The following IVD variants were observed in gnomAD, a reference collection of about 807,000 sequenced individuals.
The protein encoded by IVD is isovaleryl-CoA dehydrogenase, mitochondrial.
IVD carries 31 observed loss-of-function variants against 51.3 expected under a neutral mutation model. That is an observed-to-expected ratio of 0.60 (90% CI 0.45 to 0.81). IVD has a LOEUF of 0.81. IVD is among the 40% of genes least tolerant of loss of function. The pLI, the probability that IVD is intolerant of heterozygous loss-of-function variation, is 0.00. For synonymous variants in IVD, 205 were observed against 219.4 expected (o/e 0.93, Z 0.58); for missense variants, 475 against 552.0 (o/e 0.86, Z 1.40).
downstream of IVD, chr15:40,424,167 C>T (rs915415359): frequency 7.8e-7 from 1 of 1,288,246 alleles, no homozygotes; most frequent in Admixed American, 2.3e-5. Flanking sequence ...CTACACTGAA[C>T]CAGTGAACTA....
rs113290846 is a variant in IVD, at chr15:40,410,987, T to G, written c.456+190T>G. Reference sequence around the variant, plus strand: ...AAAATAATAAAAATAGGACCAGAACTCTTGCATTGAACAACAGACAGACAA... The same window carrying G: ...AAAATAATAAAAATAGGACCAGAACGCTTGCATTGAACAACAGACAGACAA... On this transcript the variant is annotated intron_variant, in intron 4 of 11. Coordinates refer to ENST00000487418, the MANE Select transcript of IVD (RefSeq NM_002225.5). 1.2e-4 allele frequency among the ~76,000 whole-genome samples: 19 copies of G among 152,262 alleles called. 1 individual carries two copies. Among genetic ancestry groups the G allele is most frequent in the African/African-American group, 4.6e-4 (19 of 41,548 alleles).
rs545701904 is a variant in IVD, at chr15:40,421,133, C to T, written c.*2870C>T. 10 of 985,392 alleles carry T rather than the reference C, an allele frequency of 1.0e-5. No homozygotes were observed. The highest frequency in any genetic ancestry group is 1.2e-5 in the Non-Finnish European group (10 of 829,976). The allele number at this position is 985,392 out of a possible 1,614,324, so 61.0% of individuals were successfully genotyped here. On this transcript the variant is annotated 3_prime_UTR_variant, in exon 12 of 12. Coordinates refer to ENST00000487418, the MANE Select transcript of IVD (RefSeq NM_002225.5). The stretch of plus-strand genomic sequence containing the variant: ...TGGAGATGAATGTGACTAAAAGGGC[C>T]ATCTTGCTGGCTTAATGTGTGGCTG...
rs184609424 is a variant in IVD, at chr15:40,416,027, A to G, written c.961-51A>G. On this transcript the variant is annotated intron_variant, in intron 9 of 11. Transcript: ENST00000487418. ...TTGCCATTGCTGACCTGCTTTTGGT[A>G]ACTGAGAGAGTGTTCCAGCATGTTG... 65 of 1,559,240 alleles carry G rather than the reference A, an allele frequency of 4.2e-5. No individual in the cohort carries two copies. The African/African-American group carries it at 8.4e-4, about 20-fold the overall frequency.
intron 1 of IVD, 80 bp downstream of exon 1, chr15:40,406,051 A>AAGGCCTCC: frequency 1.9e-6 from 3 of 1,542,508 alleles, no homozygotes; most frequent in Non-Finnish European, 1.8e-6. Context: ...CCTGGTCCCC[A>AAGGCCTCC]TCGGCCCAGC....
chr15:40,435,416 G>C lies in IVD; in HGVS notation c.781-1G>C. Reference sequence around the variant, plus strand: ...CTAAAAGAGGGCTCTCTTTCCCCTAGGGCAGACCTTTTCCGCCCAACACCC... The same window carrying C: ...CTAAAAGAGGGCTCTCTTTCCCCTACGGCAGACCTTTTCCGCCCAACACCC... On this transcript the variant is annotated splice_acceptor_variant, in intron 8 of 8. Coordinates refer to the IVD transcript ENST00000473112. LOFTEE classifies it high-confidence loss of function. 1 of 1,197,164 alleles carries C rather than the reference G, an allele frequency of 8.4e-7. No homozygotes were observed. The highest frequency in any genetic ancestry group is 1.1e-6 in the Non-Finnish European group (1 of 935,038). 74.2% of individuals were successfully genotyped at this position (1,197,164 alleles called of 1,614,324 possible). A position where few individuals can be genotyped will look rare whatever the true frequency, so the allele number is the denominator to read the frequency against.
intron 1 of IVD, 35 bp downstream of exon 1, chr15:40,406,006 C>T: frequency 3.2e-6 from 4 of 1,248,380 alleles, no homozygotes; most frequent in South Asian, 1.2e-5. Flanking sequence ...GCCCCAAGGC[C>T]TCCTTCCTGC....
At chr15:40,435,881 G>C (rs1893238684), downstream of IVD, 1 of 175,382 alleles carries the variant, frequency 5.7e-6, no homozygotes, top group Non-Finnish European at 1.1e-5. Context: ...GCCAGGGGCA[G>C]ACCCTGGCAG....
intron 7 of IVD, chr15:40,433,781 G>C: frequency 2.2e-6 from 1 of 449,032 alleles, no homozygotes; most frequent in South Asian, 1.6e-5. Flanking sequence ...CAGGTATCAT[G>C]CCATGTTCTC....
At chr15:40,434,990 G>T (rs1893186794) in intron 8 of IVD, among the ~76,000 whole-genome samples, 1 of 152,192 alleles carries the variant, frequency 6.6e-6, no homozygotes, top group Admixed American at 6.5e-5. Flanking sequence ...TTCCGGCTAG[G>T]GTATAAGCCC....
downstream of IVD, among the ~76,000 whole-genome samples, chr15:40,427,149 G>A (rs1299355166): frequency 2.0e-5 from 3 of 152,202 alleles, no homozygotes; most frequent in Admixed American, 6.5e-5. Context: ...GATCAGTGGC[G>A]GAAGTACAGA....
intron 11 of IVD, 100 bp from the exon 12 acceptor site, chr15:40,418,030 C>T (rs998579908): frequency 7.5e-6 from 11 of 1,463,464 alleles, no homozygotes; most frequent in Admixed American, 1.9e-5. Context: ...CTTTAATCAC[C>T]CTCTCCTCCT....
downstream of IVD, chr15:40,424,260 C>A: frequency 8.8e-7 from 1 of 1,141,078 alleles, no homozygotes; most frequent in Non-Finnish European, 1.2e-6. Context: ...TCTGATCCCC[C>A]TGGGCCTTCC....
Position 40,418,382 on chromosome 15 carries a change from C to G in IVD, c.*119C>G, listed in dbSNP as rs577706202. ...TCCTGCCCAGCTGCTCTTGTCAGCCCTCTGGCCTCTGGATGAGGTTGAGTT... is the reference window on the plus strand; with the variant it reads ...TCCTGCCCAGCTGCTCTTGTCAGCCGTCTGGCCTCTGGATGAGGTTGAGTT... On this transcript the variant is annotated 3_prime_UTR_variant, in exon 12 of 12. Transcript: ENST00000487418. 1.3e-6 allele frequency: 2 copies of G among 1,587,062 alleles called. No homozygotes were observed. Among genetic ancestry groups the G allele is most frequent in the African/African-American group, 1.3e-5 (1 of 74,622 alleles).
chr15:40,424,133 A>G (rs1892529669), downstream of IVD: 3 of 1,283,388 alleles, frequency 2.3e-6, no homozygotes, highest in Non-Finnish European at 3.0e-6. Context: ...TCCTTCTTCC[A>G]GGCCATGCCC....
rs764288165 is a variant in IVD, at chr15:40,407,686, C to T, written c.195C>T (p.Ala65=). 1.9e-6 allele frequency: 3 copies of T among 1,614,168 alleles called. No homozygotes were observed. The highest frequency in any genetic ancestry group is 4.5e-5 in the East Asian group (2 of 44,884). ...KFLQEHLAPK[A]QEIDRSNEFK... is the part of the protein sequence containing the mutation. ...TTCAGGAGCACCTGGCCCCCAAGGC[C>T]CAGGAGATCGATCGCAGCAATGAGT... The change falls in exon 2 of 12, where the codon GCC becomes GCT. Residue 65 remains alanine, a synonymous_variant. Transcript: ENST00000487418.
At chr15:40,417,932 A>T (rs919310333) in intron 11 of IVD, among the ~76,000 whole-genome samples, 198 bp from the exon 12 acceptor site, 7 of 152,224 alleles carry the variant, frequency 4.6e-5, no homozygotes, top group African/African-American at 1.7e-4. Flanking sequence ...TCAGGCATCC[A>T]CTGGGGTCTT....
Position 40,416,343 on chromosome 15 carries a change from G to A in IVD, c.1119G>A (p.Leu373=), listed in dbSNP as rs1891680267. ...YSAECATQVA[L]DGIQCFGGNG... is the part of the protein sequence containing the mutation. ...CTGAGTGTGCCACACAGGTAGCCCT[G>A]GACGGCATTCAGTGTTTTGGTGAGT... The change falls in exon 11 of 12, where the codon CTG becomes CTA. Residue 373 remains leucine (L), a synonymous_variant. Transcript: ENST00000487418. The A allele has an allele frequency of 6.2e-7, 1 of 1,614,134 alleles. No individual in the cohort carries two copies. Among genetic ancestry groups the A allele is most frequent in the Non-Finnish European group, 8.5e-7 (1 of 1,180,042 alleles).
chr15:40,408,032 G>T, intron 3 of IVD, 42 bp downstream of exon 3: 1 of 1,564,660 alleles, frequency 6.4e-7, no homozygotes, highest in Non-Finnish European at 8.8e-7. Context: ...TTTCTTATGT[G>T]CCCTTTAAGA....
At position 40,407,922 on chromosome 15, in the gene IVD, C is replaced by T. The variant is rs1196891550; in HGVS notation, c.235-17C>T. The T allele has an allele frequency of 1.2e-6, 2 of 1,613,870 alleles. No individual in the cohort carries two copies. Among genetic ancestry groups the T allele is most frequent in the Non-Finnish European group, 1.7e-6 (2 of 1,179,790 alleles). ...TCCCCTCAACACTTATTCCACTCTG[C>T]TCCATTCTGTTGGCAGGAATTTTGG... On this transcript the variant is annotated splice_polypyrimidine_tract_variant and intron_variant, in intron 2 of 11. Transcript: ENST00000487418.
Sources: gnomAD v4.1 joint callset for allele counts (sites outside exome capture counted in the v4.1 genomes callset) on GRCh38, gnomAD v4.1.1 for gene constraint, MANE v1.5 for transcripts, NCBI Gene and HGNC (gene_info 2026-07-23, HGNC 2026-07-21) for gene names.